NLGN1: variants seen among roughly 807,000 people sequenced by gnomAD.
The protein encoded by NLGN1 is neuroligin-1.
A neutral mutation model predicts 65.5 loss-of-function variants in NLGN1; 12 were observed. The observed-to-expected ratio is 0.18, with a 90% confidence interval of 0.12 to 0.30. NLGN1 has a LOEUF of 0.30. Ranked by LOEUF, NLGN1 falls within the 10% of genes least tolerant of loss-of-function variation. The probability of loss-of-function intolerance (pLI) is 1.00; values close to 1 mark genes in which losing one functional copy is unlikely to be tolerated. For missense variants in NLGN1, 750 were observed against 1,007.1 expected, an observed-to-expected ratio of 0.74 and a Z score of 3.46; for synonymous variants, 350 against 359.5, an observed-to-expected ratio of 0.97 and a Z score of 0.30.
intron 2 of NLGN1, among the ~76,000 whole-genome samples, chr3:173,478,550 A>T (rs1726668479): frequency 6.6e-6 from 1 of 152,204 alleles, no homozygotes. Flanking sequence ...GCTGCAACTT[A>T]AAAATAAAAA....
chr3:174,018,851 ATG>A (rs1272083785), intron 4 of NLGN1, among the ~76,000 whole-genome samples: 2 of 152,066 alleles, frequency 1.3e-5, no homozygotes, highest in African/African-American at 2.4e-5. Flanking sequence ...AATGTGAATT[ATG>A]TGTGTGTGTG....
chr3:173,933,876 AT>A (rs1485863142), intron 4 of NLGN1, among the ~76,000 whole-genome samples: 1 of 151,956 alleles, frequency 6.6e-6, no homozygotes, highest in African/African-American at 2.4e-5. Context: ...GGTTTGGGTA[AT>A]TTTTTTCTTA....
chr3:173,546,779 T>C (rs1016611140), intron 2 of NLGN1, among the ~76,000 whole-genome samples: 44 of 152,322 alleles, frequency 2.9e-4, no homozygotes, highest in African/African-American at 1.0e-3. Flanking sequence ...CTTTTACTTA[T>C]ACACATAAAG....
At chr3:173,483,715 CT>C (rs1727684189) in intron 2 of NLGN1, among the ~76,000 whole-genome samples, 1 of 151,962 alleles carries the variant, frequency 6.6e-6, no homozygotes, top group African/African-American at 2.4e-5. Context: ...AAGCCCCTGA[CT>C]TATAGAGTGG....
At chr3:173,992,381 A>G (rs1721303816) in intron 4 of NLGN1, among the ~76,000 whole-genome samples, 1 of 152,258 alleles carries the variant, frequency 6.6e-6, no homozygotes, top group East Asian at 1.9e-4. Flanking sequence ...ACAGGACTCT[A>G]GGGCAGAGAT....
rs540286612 is a variant in NLGN1, at chr3:173,657,171, A to G, written c.493+52080A>G. Reference sequence around the variant, plus strand: ...GTTTAACTCCCGAATTTCACTCACTACGGTATCTAAAATAAAAGCCTTAAA... The same window carrying G: ...GTTTAACTCCCGAATTTCACTCACTGCGGTATCTAAAATAAAAGCCTTAAA... On this transcript the variant is annotated intron_variant, in intron 3 of 6. Transcript: ENST00000457714. Among the ~76,000 whole-genome samples the G allele has an allele frequency of 7.9e-5, 12 of 152,084 alleles. No homozygotes were observed. In the South Asian group the frequency reaches 2.1e-3, roughly 26 times the overall value.
intron 3 of NLGN1, among the ~76,000 whole-genome samples, chr3:173,668,911 A>G (rs1762090071): frequency 6.6e-6 from 1 of 152,178 alleles, no homozygotes; most frequent in African/African-American, 2.4e-5. Flanking sequence ...GGCGTGAGCC[A>G]CTGCACCAGG....
Position 174,083,758 on chromosome 3 carries a change from T to C in NLGN1, c.647-191557T>C, listed in dbSNP as rs112062442. ...ATCCAATGCTAATACCCGGCTAATA[T>C]AGAAATTTTTTTCCCTTATAACCAC... On this transcript the variant is annotated intron_variant, in intron 4 of 6. Transcript: ENST00000457714. Among the ~76,000 whole-genome samples the C allele has an allele frequency of 1.8e-3, 275 of 151,926 alleles. 2 individuals carry two copies. The highest frequency in any genetic ancestry group is 6.5e-3 in the African/African-American group (271 of 41,410).
chr3:173,557,553 A>G (rs1741916117), intron 2 of NLGN1, among the ~76,000 whole-genome samples: 1 of 152,016 alleles, frequency 6.6e-6, no homozygotes. Context: ...AATTGAATGT[A>G]TTTAAGCCTT....
intron 3 of NLGN1, 49 bp from the exon 4 acceptor site, chr3:173,807,631 G>C (rs766934504): frequency 6.3e-7 from 1 of 1,588,154 alleles, no homozygotes; most frequent in Non-Finnish European, 8.6e-7. Context: ...CTGCTTCATT[G>C]TGTGTTATTT....
At chr3:174,125,233 C>T (rs1718679750) in intron 4 of NLGN1, among the ~76,000 whole-genome samples, 1 of 151,946 alleles carries the variant, frequency 6.6e-6, no homozygotes, top group Admixed American at 6.6e-5. Flanking sequence ...GTAGGATGAT[C>T]TAGGTGAAGA....
intron 3 of NLGN1, among the ~76,000 whole-genome samples, chr3:173,800,893 A>T (rs936186740): frequency 6.6e-6 from 1 of 152,000 alleles, no homozygotes; most frequent in African/African-American, 2.4e-5. Flanking sequence ...TTATTTGCTT[A>T]AATGTCACAT....
chr3:174,079,388 C>G (rs1741684690), intron 4 of NLGN1, among the ~76,000 whole-genome samples: 1 of 148,230 alleles, frequency 6.7e-6, no homozygotes, highest in Admixed American at 6.6e-5. Context: ...AAGTCAAAAA[C>G]AACAGATGCT....
At chr3:173,666,250 C>T (rs1435405900) in intron 3 of NLGN1, among the ~76,000 whole-genome samples, 1 of 152,016 alleles carries the variant, frequency 6.6e-6, no homozygotes, top group Non-Finnish European at 1.5e-5. Context: ...ATCAGCTTTT[C>T]CCACCTCTGA....
intron 4 of NLGN1, among the ~76,000 whole-genome samples, chr3:173,947,460 T>C (rs1389182941): frequency 6.6e-6 from 1 of 152,240 alleles, no homozygotes; most frequent in African/African-American, 2.4e-5. Flanking sequence ...TACTGTATTA[T>C]GAAGCTATAT....
intron 3 of NLGN1, among the ~76,000 whole-genome samples, chr3:173,765,481 G>A (rs1337880180): frequency 6.6e-6 from 1 of 152,020 alleles, no homozygotes; most frequent in African/African-American, 2.4e-5. Flanking sequence ...AAAAATAACT[G>A]GACTCCCTTG....
chr3:173,867,936 G>A (rs1730498959), intron 4 of NLGN1, among the ~76,000 whole-genome samples: 1 of 152,130 alleles, frequency 6.6e-6, no homozygotes, highest in African/African-American at 2.4e-5. Context: ...CAGCCCCATA[G>A]GAGAATGTTC....
intron 3 of NLGN1, among the ~76,000 whole-genome samples, chr3:173,673,884 G>A (rs1762784787): frequency 6.6e-6 from 1 of 152,098 alleles, no homozygotes; most frequent in Non-Finnish European, 1.5e-5. Flanking sequence ...GTGGGCCCAA[G>A]CATAGGGGCT....
chr3:174,042,977 T>G lies in NLGN1; in HGVS notation c.647-232338T>G, dbSNP rs189899584. 1.3e-4 allele frequency among the ~76,000 whole-genome samples: 20 copies of G among 152,320 alleles called. No homozygotes were observed. The East Asian group carries it at 3.9e-3, about 29-fold the overall frequency. ...TAATTGACTCACAGTTCTGCATAGCTGGGGAGGCCTCAGGAAACTTACAAT... is the reference window on the plus strand; with the variant it reads ...TAATTGACTCACAGTTCTGCATAGCGGGGGAGGCCTCAGGAAACTTACAAT... On this transcript the variant is annotated intron_variant, in intron 4 of 6. Coordinates refer to ENST00000457714, the Ensembl canonical transcript of NLGN1.
Sources: allele counts gnomAD v4.1 joint callset (sites outside exome capture counted in the v4.1 genomes callset), GRCh38; gene constraint gnomAD v4.1.1; transcripts MANE v1.5; gene names NCBI Gene and HGNC (gene_info 2026-07-23, HGNC 2026-07-21).